The following IL16 variants were observed in gnomAD, a reference collection of about 807,000 sequenced individuals.
IL16 encodes interleukin 16.
In IL16, 67 loss-of-function variants were observed where a neutral mutation model predicts 110.1. The ratio of observed to expected loss-of-function variants is 0.61; its 90% CI spans 0.50 to 0.75. The LOEUF (loss-of-function observed/expected upper bound fraction) is 0.75. Ranked by LOEUF, IL16 falls within the 30% of genes least tolerant of loss-of-function variation. The pLI, the probability that IL16 is intolerant of heterozygous loss-of-function variation, is 0.00. For synonymous variants in IL16, 689 were observed against 662.9 expected, an observed-to-expected ratio of 1.04 and a Z score of -0.61; for missense variants, 1,545 against 1,655.0, an observed-to-expected ratio of 0.93 and a Z score of 1.15.
At chr15:81,186,089 C>T (rs1895415134) in intron 1 of IL16, among the ~76,000 whole-genome samples, 2 of 152,096 alleles carry the variant, frequency 1.3e-5, no homozygotes, top group South Asian at 2.1e-4. Flanking sequence ...GCAGCCAACC[C>T]CTCAGTGTGC....
upstream of IL16, among the ~76,000 whole-genome samples, chr15:81,192,810 C>T (rs1447549574): frequency 1.3e-5 from 2 of 152,026 alleles, no homozygotes; most frequent in African/African-American, 2.4e-5. Flanking sequence ...AGGAGGGTGG[C>T]GGCAGTGAAG....
Position 81,292,818 on chromosome 15 carries a change from G to A in IL16, c.1683G>A (p.Arg561=). 6.2e-7 allele frequency: 1 copy of A among 1,614,078 alleles called. No individual in the cohort carries two copies. ...EPVVLSIASS[R]LPQESPPLPE... ...TGGTGCTTTCTATAGCATCCTCCAGGCTGCCCCAGGAGAGCCCACCCCTCC... is the reference window on the plus strand; with the variant it reads ...TGGTGCTTTCTATAGCATCCTCCAGACTGCCCCAGGAGAGCCCACCCCTCC... The change falls in exon 12 of 19, where the codon AGG becomes AGA. Residue 561 remains arginine (R), a synonymous_variant. Coordinates refer to ENST00000683961, the MANE Select transcript of IL16 (RefSeq NM_172217.5).
At position 81,245,138 on chromosome 15, in the gene IL16, A is replaced by G. The variant is rs1275889821; in HGVS notation, c.313-14634A>G. On this transcript the variant is annotated intron_variant, in intron 2 of 18. Coordinates refer to ENST00000683961, the MANE Select transcript of IL16 (RefSeq NM_172217.5). ...GTCAAATATTTCTATATTTTCTATC[A>G]TCTCAGTGTTGGCATCTATTGATGG... Among the ~76,000 whole-genome samples, 3 of 152,116 alleles carry G rather than the reference A, an allele frequency of 2.0e-5. No individual in the cohort carries two copies. In the East Asian group the frequency reaches 5.8e-4, roughly 29 times the overall value.
At chr15:81,263,121 A>G in intron 3 of IL16, among the ~76,000 whole-genome samples, 1 of 152,166 alleles carries the variant, frequency 6.6e-6, no homozygotes, top group East Asian at 1.9e-4. Context: ...GTTTTAATTA[A>G]TTACCCAATT....
chr15:81,250,377 C>T (rs1481473602), intron 2 of IL16, among the ~76,000 whole-genome samples: 4 of 152,042 alleles, frequency 2.6e-5, no homozygotes, highest in African/African-American at 9.7e-5. Context: ...GGGGCTTCAC[C>T]GTGTTGGTCA....
At chr15:81,207,264 A>C (rs1238557550) in intron 1 of IL16, among the ~76,000 whole-genome samples, 1 of 151,480 alleles carries the variant, frequency 6.6e-6, no homozygotes, top group Non-Finnish European at 1.5e-5. Context: ...AAAAAAAACA[A>C]AAAAAAGAAA....
rs147434753 is a variant in IL16 at position 81,227,781 on chromosome 15, A to G, written c.312+2070A>G. On this transcript the variant is annotated intron_variant, in intron 2 of 18. Coordinates refer to ENST00000683961, the MANE Select transcript of IL16 (RefSeq NM_172217.5). ...ACTGCAGCAATAACCCAGGCCAGAA[A>G]TGACGTGGCTTGGACTGAGGTGGTG... is the stretch of plus-strand genomic sequence containing the variant. Among the ~76,000 whole-genome samples the G allele has an allele frequency of 8.3e-3, 1,264 of 152,246 alleles. 21 individuals are homozygous for G. Among genetic ancestry groups the G allele is most frequent in the African/African-American group, 0.029 (1,188 of 41,540 alleles).
rs572981160 is a variant in IL16, at chr15:81,261,129, T to A, written c.421+1249T>A. ...TCACCCATTCTTTGCTTTTTTACTG[T>A]TTTGTTTTGCAGCCAAGACCAGCTA... On this transcript the variant is annotated intron_variant, in intron 3 of 18. Transcript: ENST00000683961. 3.3e-4 allele frequency among the ~76,000 whole-genome samples: 50 copies of A among 152,398 alleles called. No individual in the cohort carries two copies. In the South Asian group the frequency reaches 9.9e-3, roughly 30 times the overall value.
At chr15:81,289,785 T>G (rs73501756) in intron 10 of IL16, 6,352 of 318,240 alleles carry the variant, frequency 0.02, 356 homozygotes, top group African/African-American at 0.12. Flanking sequence ...AGTTTTTGAT[T>G]TTCACATAGT....
chr15:81,208,087 A>G (rs1449998340), intron 1 of IL16, among the ~76,000 whole-genome samples: 1 of 152,144 alleles, frequency 6.6e-6, no homozygotes, highest in Admixed American at 6.6e-5. Context: ...GTGTGAGATG[A>G]TATCTCATGA....
In IL16 at chr15:81,309,854, T is replaced by G. The variant is rs1785756449; in HGVS notation, c.*1056T>G. On this transcript the variant is annotated 3_prime_UTR_variant, in exon 19 of 19. Coordinates refer to ENST00000683961, the MANE Select transcript of IL16 (RefSeq NM_172217.5). ...GCAGCTTCTACGGTGTATGGTTCTG[T>G]GCCAATGTATTGATAAGAGGGCACA... is the stretch of plus-strand genomic sequence containing the variant. 1 of 152,282 alleles carries G rather than the reference T, an allele frequency of 6.6e-6. No homozygotes were observed. Among genetic ancestry groups the G allele is most frequent in the Non-Finnish European group, 1.5e-5 (1 of 68,062 alleles). The allele number at this position is 152,282 out of a possible 1,614,324, so 9.4% of individuals were successfully genotyped here.
At chr15:81,241,845 A>G (rs570571207) in intron 2 of IL16, among the ~76,000 whole-genome samples, 54 of 151,566 alleles carry the variant, frequency 3.6e-4, no homozygotes, top group African/African-American at 1.3e-3. Context: ...TTCCCTCCCA[A>G]CCCCACCTCC....
chr15:81,227,934 A>T lies in IL16; in HGVS notation c.312+2223A>T, dbSNP rs1345440098. On this transcript the variant is annotated intron_variant, in intron 2 of 18. Transcript: ENST00000683961. ...GTGAGCACCTGGGGGTAGAAGTTTCAGCTTGAGCACCTGGGGGTAGTAGGG... is the reference window on the plus strand; with the variant it reads ...GTGAGCACCTGGGGGTAGAAGTTTCTGCTTGAGCACCTGGGGGTAGTAGGG... Among the ~76,000 whole-genome samples, 4 of 152,126 alleles carry T rather than the reference A, an allele frequency of 2.6e-5. No homozygotes were observed. The South Asian group carries it at 6.2e-4, about 24-fold the overall frequency.
chr15:81,250,015 A>T (rs1595992684), intron 2 of IL16, among the ~76,000 whole-genome samples: 1 of 152,058 alleles, frequency 6.6e-6, no homozygotes, highest in African/African-American at 2.4e-5. Context: ...GTTGGCTGGG[A>T]AGCCTTATTT....
chr15:81,305,668 T>G, intron 16 of IL16: 2 of 555,918 alleles, frequency 3.6e-6, no homozygotes, highest in South Asian at 2.1e-5. Context: ...CTATAGGACG[T>G]TGTGTTGGGA....
rs756994663 is a variant in IL16 at position 81,282,644 on chromosome 15, G to T, written c.1087G>T (p.Gly363Cys). The T allele has an allele frequency of 6.2e-6, 10 of 1,611,936 alleles. No homozygotes were observed. The highest frequency in any genetic ancestry group is 8.5e-6 in the Non-Finnish European group (10 of 1,179,496). ...CCGCCCTGTTCTGCTTCCAGAGGCC[G>T]GCGTGGGCCTGGGCATCGGCCTGTG... ...MVEVSLQKEA[G>C]VGLGIGLCSV... Residue 363 changes from glycine (G) to cysteine (C), a missense_variant, in exon 9 of 19, where the codon GGC becomes TGC. This residue lies in a region of IL16 where 1,185 missense variants were observed against 1,238.8 expected (regional missense o/e 0.96). Coordinates refer to ENST00000683961, the MANE Select transcript of IL16 (RefSeq NM_172217.5).
rs144196260 is a variant in IL16, at chr15:81,202,132, T to C, written c.-102+4980T>C. Among the ~76,000 whole-genome samples the C allele has an allele frequency of 6.0e-3, 916 of 152,320 alleles. 6 individuals are homozygous for C. Among genetic ancestry groups the C allele is most frequent in the African/African-American group, 0.021 (872 of 41,560 alleles). ...AAACATTAAATGCAATCATCCTTAG[T>C]CATTCAACAAATATTTACTGAGCAA... On this transcript the variant is annotated intron_variant, in intron 1 of 18. Coordinates refer to ENST00000683961, the MANE Select transcript of IL16 (RefSeq NM_172217.5).
intron 1 of IL16, among the ~76,000 whole-genome samples, chr15:81,217,905 A>G (rs115168955): frequency 6.6e-4 from 100 of 152,310 alleles, no homozygotes; most frequent in African/African-American, 2.3e-3. Flanking sequence ...TTATGTCTCA[A>G]TATATCGGTC....
intron 4 of IL16, among the ~76,000 whole-genome samples, chr15:81,268,804 T>G (rs1271185172): frequency 6.6e-6 from 1 of 152,248 alleles, no homozygotes; most frequent in African/African-American, 2.4e-5. Context: ...TCGCATAGAT[T>G]TATTCTTCAA....
Sources: gnomAD v4.1 joint callset for allele counts (sites outside exome capture counted in the v4.1 genomes callset) on GRCh38, gnomAD v4.1.1 for gene constraint, gnomAD v4.1.1 regional missense constraint, MANE v1.5 for transcripts, NCBI Gene and HGNC (gene_info 2026-07-23, HGNC 2026-07-21) for gene names.